The following WDFY3 variants were observed in gnomAD, a reference collection of about 807,000 sequenced individuals.
WDFY3 encodes the protein WD repeat and FYVE domain containing 3.
WDFY3 carries 66 observed loss-of-function variants against 409.6 expected under a neutral mutation model. That is an observed-to-expected ratio of 0.16 (90% confidence interval 0.13 to 0.20). The LOEUF (loss-of-function observed/expected upper bound fraction) is 0.20. WDFY3 is among the 10% of genes least tolerant of loss of function. The pLI is 1.00. For synonymous variants in WDFY3, 1,521 were observed against 1,537.1 expected, an observed-to-expected ratio of 0.99 and a Z score of 0.25; for missense variants, 3,031 against 4,298.1, an observed-to-expected ratio of 0.71 and a Z score of 8.24.
chr4:84,734,390 A>T (rs973290939), intron 43 of WDFY3, among the ~76,000 whole-genome samples: 3 of 152,222 alleles, frequency 2.0e-5, no homozygotes, highest in Admixed American at 2.0e-4. Flanking sequence ...CAATTAAAAA[A>T]TTATCTATCA....
At chr4:84,883,202 C>T (rs1763773108) in intron 3 of WDFY3, among the ~76,000 whole-genome samples, 2 of 152,120 alleles carry the variant, frequency 1.3e-5, no homozygotes, top group African/African-American at 4.8e-5. Context: ...TTAGACATGT[C>T]CTAATTACAT....
rs751006026 is a variant in WDFY3 at position 84,716,926 on chromosome 4, C to T, written c.7845G>A (p.Lys2615=). Residue 2615 remains lysine (K), a synonymous_variant, in exon 49 of 68, where the codon AAG becomes AAA. Transcript: ENST00000295888. ...TCSIFAYEDI[K]EVHKRRYLLQ... is the part of the protein sequence containing the mutation. ...GGAGATATCTCCTTTTATGAACTTCCTTGATATCTTCATATGCAAAAATGC... is the reference window on the plus strand; with the variant it reads ...GGAGATATCTCCTTTTATGAACTTCTTTGATATCTTCATATGCAAAAATGC... 1.3e-5 allele frequency: 21 copies of T among 1,604,620 alleles called. No individual in the cohort carries two copies. Among genetic ancestry groups the T allele is most frequent in the East Asian group, 2.3e-5 (1 of 44,170 alleles).
chr4:84,913,061 T>G (rs1768004288), intron 2 of WDFY3, among the ~76,000 whole-genome samples: 1 of 152,160 alleles, frequency 6.6e-6, no homozygotes. Flanking sequence ...CTTTTTAAAT[T>G]TGTTTGGTAT....
intron 3 of WDFY3, among the ~76,000 whole-genome samples, chr4:84,869,317 T>C (rs1761859185): frequency 1.3e-5 from 2 of 152,188 alleles, no homozygotes; most frequent in African/African-American, 2.4e-5. Flanking sequence ...TTCTCCCAAT[T>C]GTTCAATAGA....
At chr4:84,880,210 G>A (rs1476593656) in intron 3 of WDFY3, among the ~76,000 whole-genome samples, 1 of 152,078 alleles carries the variant, frequency 6.6e-6, no homozygotes, top group Non-Finnish European at 1.5e-5. Flanking sequence ...AAAAAGGCAA[G>A]GAACAGATTC....
chr4:84,748,641 C>G (rs1049914443), intron 36 of WDFY3, among the ~76,000 whole-genome samples: 1 of 152,168 alleles, frequency 6.6e-6, no homozygotes. Context: ...TATTTGGCCT[C>G]AGTCACACTA....
chr4:84,863,009 G>A (rs1760868750), intron 3 of WDFY3, among the ~76,000 whole-genome samples: 1 of 152,154 alleles, frequency 6.6e-6, no homozygotes, highest in African/African-American at 2.4e-5. Context: ...TGTTCTCAAG[G>A]TTCATCTGTA....
At chr4:84,916,505 T>C (rs138315633) in intron 2 of WDFY3, among the ~76,000 whole-genome samples, 56 of 152,284 alleles carry the variant, frequency 3.7e-4, no homozygotes, top group African/African-American at 1.3e-3. Context: ...TTCTCGCATA[T>C]GATTACCAGC....
At chr4:84,696,534 TTA>T (rs140250338) in intron 57 of WDFY3, among the ~76,000 whole-genome samples, 196 bp downstream of exon 57, 3 of 151,304 alleles carry the variant, frequency 2.0e-5, no homozygotes, top group East Asian at 1.9e-4. Flanking sequence ...AATACATAGT[TTA>T]TATATATATA....
At chr4:84,738,575 G>A (rs1737859039) in intron 40 of WDFY3, among the ~76,000 whole-genome samples, 1 of 150,162 alleles carries the variant, frequency 6.7e-6, no homozygotes. Flanking sequence ...GCACTCCACT[G>A]TGGGCAACTG....
chr4:84,827,411 C>T (rs763494416), intron 9 of WDFY3, among the ~76,000 whole-genome samples: 2 of 151,880 alleles, frequency 1.3e-5, no homozygotes, highest in Non-Finnish European at 2.9e-5. Context: ...CTATTTTTTT[C>T]CTTTACTAGT....
At chr4:84,849,245 C>T (rs1758533235) in intron 5 of WDFY3, among the ~76,000 whole-genome samples, 1 of 152,122 alleles carries the variant, frequency 6.6e-6, no homozygotes, top group East Asian at 1.9e-4. Flanking sequence ...CTACAGATGA[C>T]ACAGAGACCC....
intron 32 of WDFY3, among the ~76,000 whole-genome samples, chr4:84,758,206 T>G (rs951315931): frequency 6.6e-6 from 1 of 152,192 alleles, no homozygotes; most frequent in Non-Finnish European, 1.5e-5. Flanking sequence ...AGGAACTGAT[T>G]TCGGTCTGAA....
intron 1 of WDFY3, among the ~76,000 whole-genome samples, chr4:84,958,817 C>G (rs1247353274): frequency 1.3e-5 from 2 of 152,194 alleles, no homozygotes; most frequent in Non-Finnish European, 2.9e-5. Flanking sequence ...GCTTCAGAGC[C>G]TCAGCACTTG....
rs1348685800 is a variant in WDFY3, at chr4:84,794,686, C to T, written c.3320G>A (p.Cys1107Tyr). 2.5e-6 allele frequency: 4 copies of T among 1,613,460 alleles called. No individual in the cohort carries two copies. The South Asian group carries it at 4.4e-5, about 18-fold the overall frequency. The change falls in exon 21 of 68, where the codon TGT becomes TAT. Residue 1107 changes from cysteine to tyrosine, a missense_variant. This residue lies in a region of WDFY3 where 1,322 missense variants were observed against 1,697.9 expected (regional missense o/e 0.78). Coordinates refer to ENST00000295888, the MANE Select transcript of WDFY3 (RefSeq NM_014991.6). The part of the protein sequence containing the change: ...PSGLSYSSWF[C>Y]IEHFSSPPNN... ...TGGAGGAGAACTAAAATGTTCAATACAAAACCAGCTAGAGTAACTTAAGCC... is the reference window on the plus strand; with the variant it reads ...TGGAGGAGAACTAAAATGTTCAATATAAAACCAGCTAGAGTAACTTAAGCC...
chr4:84,818,294 TCCAGTATTAAAAAAATGGG>T (rs1753599437), intron 12 of WDFY3, among the ~76,000 whole-genome samples: 1 of 152,126 alleles, frequency 6.6e-6, no homozygotes, highest in Non-Finnish European at 1.5e-5. Flanking sequence ...AATATCATCC[TCCAGTATTAAAAAAATGGG>T]CCCAGTGACT....
chr4:84,945,994 T>G (rs1372604086), intron 1 of WDFY3, among the ~76,000 whole-genome samples: 1 of 152,164 alleles, frequency 6.6e-6, no homozygotes, highest in Non-Finnish European at 1.5e-5. Context: ...AGGTTGCTAC[T>G]GCACACCTGG....
chr4:84,943,639 C>CA (rs1262432553), intron 1 of WDFY3, among the ~76,000 whole-genome samples: 1 of 152,114 alleles, frequency 6.6e-6, no homozygotes, highest in Non-Finnish European at 1.5e-5. Flanking sequence ...ATCAACTACA[C>CA]AGGAGGTCAC....
intron 3 of WDFY3, among the ~76,000 whole-genome samples, chr4:84,878,586 T>C (rs1269698828): frequency 6.6e-6 from 1 of 152,170 alleles, no homozygotes; most frequent in African/African-American, 2.4e-5. Context: ...CCAAATGAAT[T>C]TTGCTCTTCC....
Sources: gnomAD v4.1 joint callset for allele counts (sites outside exome capture counted in the v4.1 genomes callset) on GRCh38, gnomAD v4.1.1 for gene constraint, gnomAD v4.1.1 regional missense constraint, MANE v1.5 for transcripts, NCBI Gene and HGNC (gene_info 2026-07-23, HGNC 2026-07-21) for gene names.